The following ARHGEF4 variants were observed in gnomAD, a reference collection of about 807,000 sequenced individuals.
The protein encoded by ARHGEF4 is APC-stimulated guanine nucleotide exchange factor 1.
A neutral mutation model predicts 162.0 loss-of-function variants in ARHGEF4; 119 were observed. That is an observed-to-expected ratio of 0.73 (90% CI 0.63 to 0.86). The LOEUF is 0.86. ARHGEF4 is among the 40% of genes least tolerant of loss of function. ARHGEF4 has a pLI of 0.00. For synonymous variants in ARHGEF4, 1,014 were observed against 979.9 expected (o/e 1.03, Z -0.65); for missense variants, 2,488 against 2,456.0 (o/e 1.01, Z -0.28).
chr2:130,973,948 C>T (rs751142605), intron 4 of ARHGEF4, among the ~76,000 whole-genome samples: 1 of 152,020 alleles, frequency 6.6e-6, no homozygotes, highest in Non-Finnish European at 1.5e-5. Context: ...TGTCTGTTAT[C>T]AGAAGTCATC....
intron 1 of ARHGEF4, among the ~76,000 whole-genome samples, chr2:130,887,309 T>A (rs1679582038): frequency 6.6e-6 from 1 of 151,396 alleles, no homozygotes; most frequent in African/African-American, 2.4e-5. Flanking sequence ...CCAGCCTGGG[T>A]GATAGAACAA....
intron 1 of ARHGEF4, among the ~76,000 whole-genome samples, chr2:130,889,571 G>A (rs1273406822): frequency 6.6e-6 from 1 of 151,834 alleles, no homozygotes; most frequent in Non-Finnish European, 1.5e-5. Flanking sequence ...CCAGCACTTT[G>A]GGAGGCCAAG....
At chr2:130,875,800 G>A (rs143041979) in intron 1 of ARHGEF4, among the ~76,000 whole-genome samples, 20 of 152,130 alleles carry the variant, frequency 1.3e-4, no homozygotes, top group African/African-American at 3.6e-4. Flanking sequence ...TCTCCCTCCC[G>A]GCTCCCACAC....
intron 1 of ARHGEF4, among the ~76,000 whole-genome samples, chr2:130,885,515 G>A (rs1207369331): frequency 6.6e-6 from 1 of 151,358 alleles, no homozygotes; most frequent in African/African-American, 2.4e-5. Context: ...TTTTGTAGTG[G>A]AGGGGGGTGA....
intron 4 of ARHGEF4, among the ~76,000 whole-genome samples, chr2:130,999,754 G>A (rs183094688): frequency 2.0e-5 from 3 of 152,298 alleles, no homozygotes; most frequent in African/African-American, 7.2e-5. Context: ...CCAGGCTGGA[G>A]TGCAGTGGCA....
At chr2:130,959,047 T>C (rs1455079988) in intron 4 of ARHGEF4, among the ~76,000 whole-genome samples, 2 of 151,944 alleles carry the variant, frequency 1.3e-5, no homozygotes, top group Non-Finnish European at 2.9e-5. Flanking sequence ...GTTCAAGTGA[T>C]TCTCCTGCCT....
chr2:131,010,045 G>A (rs1194377350), intron 4 of ARHGEF4, among the ~76,000 whole-genome samples: 1 of 152,174 alleles, frequency 6.6e-6, no homozygotes, highest in African/African-American at 2.4e-5. Flanking sequence ...TTCAGGTTTT[G>A]TAGCCTCTAC....
chr2:130,936,861 T>G (rs1682971427), intron 3 of ARHGEF4, among the ~76,000 whole-genome samples: 1 of 151,862 alleles, frequency 6.6e-6, no homozygotes, highest in Admixed American at 6.6e-5. Flanking sequence ...TTCAGAAGTC[T>G]TTCTGATCAT....
intron 1 of ARHGEF4, among the ~76,000 whole-genome samples, chr2:130,883,716 C>T (rs757568291): frequency 2.0e-5 from 3 of 151,984 alleles, no homozygotes; most frequent in South Asian, 2.1e-4. Flanking sequence ...AATGATGGCA[C>T]GTGGGTTGAG....
chr2:130,983,655 T>C (rs1000170375), intron 4 of ARHGEF4, among the ~76,000 whole-genome samples: 1 of 152,004 alleles, frequency 6.6e-6, no homozygotes, highest in Non-Finnish European at 1.5e-5. Context: ...TTTATTTATT[T>C]AATTTTTTTT....
intron 4 of ARHGEF4, among the ~76,000 whole-genome samples, chr2:130,971,908 G>A (rs1685398206): frequency 1.3e-5 from 2 of 152,270 alleles, no homozygotes; most frequent in South Asian, 2.1e-4. Context: ...ATATTTTCAA[G>A]TTCCTGGGTC....
At chr2:130,861,172 AAC>A (rs1197716902) in intron 1 of ARHGEF4, among the ~76,000 whole-genome samples, 2 of 36,344 alleles carry the variant, frequency 5.5e-5, no homozygotes, top group Non-Finnish European at 8.6e-5. Context: ...CCAATTAAAC[AAC>A]CCAAACTAAG....
rs535477526 is a variant in ARHGEF4 at position 130,933,605 on chromosome 2, C to T, written c.3858+2348C>T. Reference sequence around the variant, plus strand: ...GGAGGTGTTCTTGAATTGCTTTCAGCAGTGTTTTGTAGTTTTCACTGTAAA... The same window carrying T: ...GGAGGTGTTCTTGAATTGCTTTCAGTAGTGTTTTGTAGTTTTCACTGTAAA... On this transcript the variant is annotated intron_variant, in intron 3 of 13. Coordinates refer to ENST00000409359, the MANE Select transcript of ARHGEF4 (RefSeq NM_001367493.1). Among the ~76,000 whole-genome samples, 80 of 152,258 alleles carry T rather than the reference C, an allele frequency of 5.3e-4. 1 individual carries two copies. Among genetic ancestry groups the T allele is most frequent in the Admixed American group, 5.2e-3 (80 of 15,278 alleles).
Position 131,040,254 on chromosome 2 carries a change from C to A in ARHGEF4, c.4483-7C>A. The A allele has an allele frequency of 6.2e-7, 1 of 1,612,020 alleles. No homozygotes were observed. Among genetic ancestry groups the A allele is most frequent in the Non-Finnish European group, 8.5e-7 (1 of 1,179,280 alleles). On this transcript the variant is annotated splice_region_variant and splice_polypyrimidine_tract_variant and intron_variant, in intron 7 of 13. Transcript: ENST00000409359. ...GTCGGGGGAGGCCTAACCACGTCCGCCCGCAGGGCTACGTCCGGCAGTGCC... is the reference window on the plus strand; with the variant it reads ...GTCGGGGGAGGCCTAACCACGTCCGACCGCAGGGCTACGTCCGGCAGTGCC...
chr2:130,982,747 C>T (rs968745994), intron 4 of ARHGEF4, among the ~76,000 whole-genome samples: 1 of 152,102 alleles, frequency 6.6e-6, no homozygotes, highest in Non-Finnish European at 1.5e-5. Flanking sequence ...TAACTTTTTT[C>T]ACATCTCTCT....
chr2:130,903,551 C>T (rs191265105), intron 1 of ARHGEF4, among the ~76,000 whole-genome samples: 73 of 152,290 alleles, frequency 4.8e-4, no homozygotes, highest in African/African-American at 1.7e-3. Context: ...AGCCACCGCA[C>T]CTGACTGACA....
intron 1 of ARHGEF4, among the ~76,000 whole-genome samples, chr2:130,894,955 T>G (rs776181846): frequency 6.6e-6 from 1 of 152,228 alleles, no homozygotes; most frequent in Non-Finnish European, 1.5e-5. Flanking sequence ...AGATTGAATT[T>G]ACATACAGCA....
chr2:130,952,457 T>C (rs190209374), intron 4 of ARHGEF4, among the ~76,000 whole-genome samples: 2 of 152,112 alleles, frequency 1.3e-5, no homozygotes, highest in Non-Finnish European at 2.9e-5. Flanking sequence ...GCCAATATCA[T>C]ACTGAATGGG....
At chr2:131,003,787 T>C (rs1283843413) in intron 4 of ARHGEF4, among the ~76,000 whole-genome samples, 1 of 152,188 alleles carries the variant, frequency 6.6e-6, no homozygotes, top group Non-Finnish European at 1.5e-5. Flanking sequence ...AGCCTAGATA[T>C]GTCAGTCAGC....
Sources: allele counts gnomAD v4.1 joint callset (sites outside exome capture counted in the v4.1 genomes callset), GRCh38; gene constraint gnomAD v4.1.1; transcripts MANE v1.5; gene names NCBI Gene and HGNC (gene_info 2026-07-23, HGNC 2026-07-21).